The following GRIN1 variants were observed in gnomAD, a reference collection of about 807,000 sequenced individuals.
GRIN1 encodes glutamate ionotropic receptor NMDA type subunit 1.
In GRIN1, 38 loss-of-function variants were observed where a neutral mutation model predicts 103.0. The observed-to-expected ratio is 0.37, with a 90% CI of 0.28 to 0.48. The LOEUF (loss-of-function observed/expected upper bound fraction) is 0.48, where lower values mean the gene tolerates loss of function less well. Ranked by LOEUF, GRIN1 falls within the 20% of genes least tolerant of loss-of-function variation. The pLI is 0.98. For missense variants in GRIN1, 577 were observed against 1,288.9 expected, an observed-to-expected ratio of 0.45 and a Z score of 8.46; for synonymous variants, 544 against 532.7, an observed-to-expected ratio of 1.02 and a Z score of -0.29.
In GRIN1 at chr9:137,145,115, CTAGAAAGTGT is replaced by C. The variant is rs1832438896; in HGVS notation, c.394-610_394-601del. 1.2e-3 allele frequency among the ~76,000 whole-genome samples: 7 copies of C among 5,670 alleles called. 3 individuals carry two copies. The highest frequency in any genetic ancestry group is 0.011 in the African/African-American group (7 of 622). The allele number at this position is 5,670 out of a possible 152,430, so 3.7% of individuals were successfully genotyped here. ...GGTGAGAGGAAGGGGGTCCCAGGGT[CTAGAAAGTGT>C]CCCCAGAGGGGTGGGGACCGGGGTG... On this transcript the variant is annotated intron_variant, in intron 2 of 19. Coordinates refer to ENST00000371561, the MANE Select transcript of GRIN1 (RefSeq NM_007327.4).
Position 137,161,052 on chromosome 9 carries a change from C to A in GRIN1, c.1198-4C>A. ...TCCAGGCTGGGTCTCCCCTTCCCCC[C>A]CAGATTGTGACGATCCACCAGGAGC... On this transcript the variant is annotated splice_region_variant and splice_polypyrimidine_tract_variant and intron_variant, in intron 8 of 19. Coordinates refer to ENST00000371561, the MANE Select transcript of GRIN1 (RefSeq NM_007327.4). 1.4e-5 allele frequency: 22 copies of A among 1,612,770 alleles called. No homozygotes were observed. The highest frequency in any genetic ancestry group is 2.2e-5 in the East Asian group (1 of 44,868).
Position 137,167,955 on chromosome 9 carries a change from G to A in GRIN1, c.*428G>A. The A allele has an allele frequency of 2.1e-6, 2 of 956,962 alleles. No homozygotes were observed. Among genetic ancestry groups the A allele is most frequent in the Non-Finnish European group, 3.2e-6 (2 of 618,448 alleles). 59.3% of individuals were successfully genotyped at this position (956,962 alleles called of 1,614,324 possible). A position where few individuals can be genotyped will look rare whatever the true frequency, so the allele number is the denominator to read the frequency against. ...CCGCCCCAGAGACTGCCCACCCTGG[G>A]CCTCCCGTCCGTCCGCCCGCCCACC... On this transcript the variant is annotated 3_prime_UTR_variant, in exon 20 of 20. Coordinates refer to ENST00000371561, the MANE Select transcript of GRIN1 (RefSeq NM_007327.4).
chr9:137,156,783 C>T lies in GRIN1; in HGVS notation c.786C>T (p.Ala262=). The change falls in exon 5 of 20, where the codon GCC becomes GCT. Residue 262 remains alanine (A), a synonymous_variant. Coordinates refer to ENST00000371561, the MANE Select transcript of GRIN1 (RefSeq NM_007327.4). The part of the protein sequence containing the change: ...REISGNALRY[A]PDGILGLQLI... ...TCTCGGGGAACGCCCTGCGCTACGC[C>T]CCAGACGGTGAGTGCTGGGCCTTGG... 3.8e-6 allele frequency: 6 copies of T among 1,593,634 alleles called. No homozygotes were observed. Among genetic ancestry groups the T allele is most frequent in the Non-Finnish European group, 5.1e-6 (6 of 1,171,034 alleles).
At chr9:137,141,038 C>T (rs1832135807) in intron 1 of GRIN1, among the ~76,000 whole-genome samples, 1 of 152,172 alleles carries the variant, frequency 6.6e-6, no homozygotes, top group Non-Finnish European at 1.5e-5. Flanking sequence ...CTCAGGAAAT[C>T]CAGGAGGGGC....
Position 137,168,308 on chromosome 9 carries a change from A to G in GRIN1, c.*781A>G. Reference sequence around the variant, plus strand: ...TCTTCTTGCGGCACCGCCCACCCACACCCCGTCTGCCCCTTGACCCCACAC... The same window carrying G: ...TCTTCTTGCGGCACCGCCCACCCACGCCCCGTCTGCCCCTTGACCCCACAC... On this transcript the variant is annotated 3_prime_UTR_variant, in exon 20 of 20. Transcript: ENST00000371561. The G allele has an allele frequency of 5.1e-6, 1 of 196,296 alleles. No individual in the cohort carries two copies. Among genetic ancestry groups the G allele is most frequent in the Non-Finnish European group, 1.0e-5 (1 of 99,152 alleles). The allele number at this position is 196,296 out of a possible 1,614,324, so 12.2% of individuals were successfully genotyped here.
chr9:137,139,507 G>A lies in GRIN1; in HGVS notation c.21G>A (p.Leu7=). MSTMRL[L]TLALLFSCSV... ...AGCCCATGAGCACCATGCGCCTGCT[G>A]ACGCTCGCCCTGCTGTTCTCCTGCT... Residue 7 remains leucine, a synonymous_variant, in exon 1 of 20, where the codon CTG becomes CTA. Transcript: ENST00000371561. This position sits in a 1 kb window ranked among gnomAD's most constrained non-coding sequence, Gnocchi z 7.7. 1 of 1,599,258 alleles carries A rather than the reference G, an allele frequency of 6.3e-7. No homozygotes were observed. Among genetic ancestry groups the A allele is most frequent in the South Asian group, 1.1e-5 (1 of 90,684 alleles).
chr9:137,157,320 T>C (rs1172519329), intron 6 of GRIN1, among the ~76,000 whole-genome samples: 2 of 152,152 alleles, frequency 1.3e-5, no homozygotes, highest in African/African-American at 2.4e-5. Context: ...CAACATCCTC[T>C]GGACACTGTT....
At chr9:137,165,150 C>T (rs1210007858) in intron 18 of GRIN1, 36 bp from the exon 19 acceptor site, 4 of 1,440,304 alleles carry the variant, frequency 2.8e-6, no homozygotes, top group Non-Finnish European at 2.9e-6. Context: ...TGGCCACCAC[C>T]CTAGCCATCT....
At chr9:137,149,250 A>G in intron 4 of GRIN1, 141 bp downstream of exon 4, 1 of 680,606 alleles carries the variant, frequency 1.5e-6, no homozygotes, top group Non-Finnish European at 2.7e-6. Flanking sequence ...AGCCACCCCC[A>G]CCCCCACCCG....
intron 19 of GRIN1, among the ~76,000 whole-genome samples, chr9:137,166,930 A>T (rs1285771848): frequency 1.3e-5 from 2 of 152,158 alleles, no homozygotes; most frequent in African/African-American, 4.8e-5. Context: ...GCAAGCACAA[A>T]TGTCGTGCAG....
chr9:137,164,339 G>C (rs1833744019), intron 18 of GRIN1: 1 of 290,630 alleles, frequency 3.4e-6, no homozygotes, highest in Non-Finnish European at 6.8e-6. Context: ...TGTGCTCCGT[G>C]ACTCTAATCC....
chr9:137,166,976 CA>C (rs1360421882), intron 19 of GRIN1, among the ~76,000 whole-genome samples: 2 of 152,214 alleles, frequency 1.3e-5, no homozygotes, highest in Non-Finnish European at 2.9e-5. Context: ...CACTGGGTCC[CA>C]GGGCCCTGCC....
intron 4 of GRIN1, among the ~76,000 whole-genome samples, chr9:137,151,969 C>A (rs993113761): frequency 8.3e-5 from 11 of 131,816 alleles, no homozygotes; most frequent in Non-Finnish European, 1.5e-4. Flanking sequence ...TGCAGTGGCT[C>A]GATCTCGGCT....
rs77333300 is a variant in GRIN1, at chr9:137,155,495, C to T, written c.672-1174C>T. Among the ~76,000 whole-genome samples, 586 of 152,364 alleles carry T rather than the reference C, an allele frequency of 3.8e-3. 3 individuals are homozygous for T. Among genetic ancestry groups the T allele is most frequent in the African/African-American group, 0.013 (556 of 41,584 alleles). On this transcript the variant is annotated intron_variant, in intron 4 of 19. Coordinates refer to ENST00000371561, the MANE Select transcript of GRIN1 (RefSeq NM_007327.4). ...TCTCGAGAAAACTGGGGGCAGATCC[C>T]TCCTCAAGGAGGGGAGGGCCACCTT...
intron 2 of GRIN1, among the ~76,000 whole-genome samples, chr9:137,143,335 G>C (rs1192471743): frequency 6.6e-6 from 1 of 152,260 alleles, no homozygotes; most frequent in Non-Finnish European, 1.5e-5. Flanking sequence ...CTGAGGCTCT[G>C]AAAGCCCTGG....
chr9:137,157,751 G>A (rs1425216247), intron 6 of GRIN1, among the ~76,000 whole-genome samples: 1 of 152,230 alleles, frequency 6.6e-6, no homozygotes, highest in Non-Finnish European at 1.5e-5. Context: ...CACGTGCAGA[G>A]CCACCATCCA....
In GRIN1 at chr9:137,160,978, G is replaced by A. The variant is rs562347531; in HGVS notation, c.1198-78G>A. The A allele has an allele frequency of 7.9e-5, 125 of 1,588,494 alleles. No individual in the cohort carries two copies. In the East Asian group the frequency reaches 2.6e-3, roughly 33 times the overall value. On this transcript the variant is annotated intron_variant, in intron 8 of 19. Transcript: ENST00000371561. ...GGGATTAAGAGGGGCGCCAGGGGAG[G>A]CTGGGAGCTGAGAAGAGACTGCCGC...
At chr9:137,156,625 G>C in intron 4 of GRIN1, 44 bp from the exon 5 acceptor site, 2 of 1,588,360 alleles carry the variant, frequency 1.3e-6, no homozygotes, top group Non-Finnish European at 1.7e-6. Flanking sequence ...GCGCCGCGGT[G>C]GGAGTGCTGG....
rs987608150 is a variant in GRIN1, at chr9:137,168,117, G to T, written c.*590G>T. 2 of 549,176 alleles carry T rather than the reference G, an allele frequency of 3.6e-6. No homozygotes were observed. Among genetic ancestry groups the T allele is most frequent in the Non-Finnish European group, 6.5e-6 (2 of 309,174 alleles). 34.0% of individuals were successfully genotyped at this position (549,176 alleles called of 1,614,324 possible). On this transcript the variant is annotated 3_prime_UTR_variant, in exon 20 of 20. Coordinates refer to ENST00000371561, the MANE Select transcript of GRIN1 (RefSeq NM_007327.4). ...GGCCCTGGGGTCTCTGAGCAGTGGG[G>T]AGCGGGGGCTAACTGGCCCCAGGCG...
Sources: gnomAD v4.1 joint callset for allele counts (sites outside exome capture counted in the v4.1 genomes callset) on GRCh38, gnomAD v4.1.1 for gene constraint, Gnocchi (gnomAD v3.1) non-coding constraint, MANE v1.5 for transcripts, NCBI Gene and HGNC (gene_info 2026-07-23, HGNC 2026-07-21) for gene names.